Variants in BPIFC observed in about 807,000 individuals in gnomAD.
BPIFC encodes the protein BPI fold-containing family C protein.
A neutral mutation model predicts 57.6 loss-of-function variants in BPIFC; 60 were observed. The ratio of observed to expected loss-of-function variants is 1.04; its 90% CI spans 0.85 to 1.29. The LOEUF is 1.29. Among genes scored for constraint, BPIFC ranks in the 50% most tolerant of loss-of-function variants. The pLI is 0.00. For synonymous variants in BPIFC, 243 were observed against 224.5 expected (o/e 1.08, Z -0.74); for missense variants, 581 against 600.5 (o/e 0.97, Z 0.34).
intron 13 of BPIFC, among the ~76,000 whole-genome samples, chr22:32,429,509 GTTTTTTTTTT>G (rs780948561): frequency 3.5e-4 from 20 of 56,646 alleles, no homozygotes; most frequent in East Asian, 2.8e-3. Flanking sequence ...ACTGGCCTTT[GTTTTTTTTTT>G]TTTTTTTTTT....
At position 32,461,685 on chromosome 22, in the gene BPIFC, T is replaced by C; in HGVS notation, c.-88-24A>G. Reference sequence around the variant, plus strand: ...TCCTGGAAAGGGGGATAAGTAGAGATGAACTATGGGAGTGAGGAGAACACT... The same window carrying C: ...TCCTGGAAAGGGGGATAAGTAGAGACGAACTATGGGAGTGAGGAGAACACT... On this transcript the variant is annotated intron_variant, in intron 1 of 16. Coordinates refer to ENST00000300399, the MANE Select transcript of BPIFC (RefSeq NM_174932.3). 8.2e-6 allele frequency: 8 copies of C among 977,982 alleles called. No homozygotes were observed. The South Asian group carries it at 3.8e-4, about 46-fold the overall frequency. The allele number at this position is 977,982 out of a possible 1,614,324, so 60.6% of individuals were successfully genotyped here. A position where few individuals can be genotyped will look rare whatever the true frequency, so the allele number is the denominator to read the frequency against.
At chr22:32,448,487 C>T (rs868083276) in intron 4 of BPIFC, among the ~76,000 whole-genome samples, 3 of 152,198 alleles carry the variant, frequency 2.0e-5, no homozygotes, top group Non-Finnish European at 4.4e-5. Context: ...GTGCCTTCCT[C>T]CTATTTCCAA....
At chr22:32,445,393 CG>C (rs1363924617) in intron 7 of BPIFC, among the ~76,000 whole-genome samples, 1 of 151,954 alleles carries the variant, frequency 6.6e-6, no homozygotes. Flanking sequence ...AAAAATTAGC[CG>C]GGCATGGTGG....
chr22:32,442,032 G>A (rs1934580177), intron 8 of BPIFC, among the ~76,000 whole-genome samples: 1 of 152,226 alleles, frequency 6.6e-6, no homozygotes, highest in Admixed American at 6.5e-5. Flanking sequence ...CCTGCCCACT[G>A]TTCACCTCCG....
At chr22:32,428,900 A>G (rs1265130264) in intron 13 of BPIFC, among the ~76,000 whole-genome samples, 2 of 151,924 alleles carry the variant, frequency 1.3e-5, no homozygotes, top group East Asian at 3.9e-4. Flanking sequence ...CTCCATCTCA[A>G]AAAAAAACAA....
At chr22:32,424,753 C>CTTCTTCTTCTTCT (rs1934004717) in intron 13 of BPIFC, among the ~76,000 whole-genome samples, 4 of 35,488 alleles carry the variant, frequency 1.1e-4, no homozygotes, top group African/African-American at 8.2e-4. Context: ...CTTCTTCTTC[C>CTTCTTCTTCTTCT]TCTTCTTCTT....
At chr22:32,454,552 G>A (rs1371450151) in intron 3 of BPIFC, among the ~76,000 whole-genome samples, 1 of 152,152 alleles carries the variant, frequency 6.6e-6, no homozygotes, top group Non-Finnish European at 1.5e-5. Flanking sequence ...AAGAGCTTGA[G>A]AAAAGTAACC....
intron 2 of BPIFC, among the ~76,000 whole-genome samples, chr22:32,460,323 A>G (rs1935135328): frequency 6.6e-6 from 1 of 152,228 alleles, no homozygotes; most frequent in South Asian, 2.1e-4. Flanking sequence ...TGGAAGGGCT[A>G]TCCTATGTAT....
At chr22:32,431,439 A>ATTTATTTATTTTTATTTTT in intron 12 of BPIFC, 25 bp from the exon 13 acceptor site, 1 of 1,343,078 alleles carries the variant, frequency 7.4e-7, no homozygotes, top group Non-Finnish European at 1.1e-6. Flanking sequence ...AGCATTTATT[A>ATTTATTTATTTTTATTTTT]TTAAGACGAG....
intron 13 of BPIFC, among the ~76,000 whole-genome samples, chr22:32,420,844 AT>A (rs1933827826): frequency 6.6e-6 from 1 of 152,262 alleles, no homozygotes; most frequent in Admixed American, 6.5e-5. Context: ...CGATATGTCC[AT>A]TAAACAATAC....
intron 6 of BPIFC, 37 bp from the exon 7 acceptor site, chr22:32,445,735 A>AAAAG: frequency 6.6e-7 from 1 of 1,520,376 alleles, no homozygotes; most frequent in East Asian, 2.3e-5. Flanking sequence ...AAAAAAAAAA[A>AAAAG]GAGGTTACTC....
intron 13 of BPIFC, among the ~76,000 whole-genome samples, chr22:32,428,677 C>T (rs11089565): frequency 0.22 from 33,618 of 151,962 alleles, 4,455 homozygotes; most frequent in East Asian, 0.48. Flanking sequence ...GGCCCCAGAT[C>T]GCCTGAGGTC....
In BPIFC at chr22:32,424,574, T is replaced by TTTCTTCTTCTTCTTCTTCTTCTTC. The variant is rs148930460; in HGVS notation, c.1218-5194_1218-5171dup. Among the ~76,000 whole-genome samples the TTTCTTCTTCTTCTTCTTCTTCTTC allele has an allele frequency of 7.2e-4, 50 of 68,984 alleles. 10 individuals are homozygous for TTTCTTCTTCTTCTTCTTCTTCTTC. Among genetic ancestry groups the TTTCTTCTTCTTCTTCTTCTTCTTC allele is most frequent in the East Asian group, 4.3e-3 (9 of 2,114 alleles). The allele number at this position is 68,984 out of a possible 152,430, so 45.3% of individuals were successfully genotyped here. On this transcript the variant is annotated intron_variant, in intron 13 of 16. Coordinates refer to ENST00000300399, the MANE Select transcript of BPIFC (RefSeq NM_174932.3). ...TTCCTAAATCTTAAGTGTTATTTTCTTTCTTCTTCTTCTTCTTCTTCTTCT... is the reference window on the plus strand; with the variant it reads ...TTCCTAAATCTTAAGTGTTATTTTCTTTCTTCTTCTTCTTCTTCTTCTTCTTCTTCTTCTTCTTCTTCTTCTTCT...
intron 9 of BPIFC, among the ~76,000 whole-genome samples, chr22:32,436,234 C>T (rs1017047775): frequency 1.3e-5 from 2 of 151,998 alleles, no homozygotes; most frequent in African/African-American, 4.8e-5. Flanking sequence ...GTTGAAGCTG[C>T]AGTGAATTGT....
At chr22:32,419,091 G>C (rs1041784169) in intron 14 of BPIFC, among the ~76,000 whole-genome samples, 1 of 152,072 alleles carries the variant, frequency 6.6e-6, no homozygotes, top group Non-Finnish European at 1.5e-5. Flanking sequence ...GAGAATGCCT[G>C]TTTTTCTAGC....
Position 32,447,302 on chromosome 22 carries a change from A to C in BPIFC, c.284T>G (p.Leu95Trp). Residue 95 changes from leucine to tryptophan, a missense_variant, in exon 5 of 17, where the codon TTG (leucine) becomes TGG (tryptophan). Leu to Trp is a moderately conservative substitution (Grantham distance 61, BLOSUM62 -2). Coordinates refer to ENST00000300399, the MANE Select transcript of BPIFC (RefSeq NM_174932.3). ...GATTCCCACTCCAGGCACAAAAGCC[A>C]ATGAGGTATTTGGAAATGAAAAGGC... ...ISAFSFPNTS[L>W]AFVPGVGIKA... The C allele has an allele frequency of 6.2e-7, 1 of 1,614,138 alleles. No individual in the cohort carries two copies. The highest frequency in any genetic ancestry group is 1.1e-5 in the South Asian group (1 of 91,076).
chr22:32,421,128 G>T (rs1250429368), intron 13 of BPIFC, among the ~76,000 whole-genome samples: 6 of 152,142 alleles, frequency 3.9e-5, no homozygotes, highest in African/African-American at 1.4e-4. Context: ...GTGACAGCGT[G>T]TCCTGTTGCT....
chr22:32,450,091 CAT>C lies in BPIFC; in HGVS notation c.246-2753_246-2752del, dbSNP rs1288284090. ...GCAGTGGAATTGTTGGGTCAAAGAG[CAT>C]ACACACACACACACACACACACACA... On this transcript the variant is annotated intron_variant, in intron 4 of 16. Coordinates refer to ENST00000300399, the MANE Select transcript of BPIFC (RefSeq NM_174932.3). 9.5e-5 allele frequency among the ~76,000 whole-genome samples: 7 copies of C among 73,696 alleles called. No individual in the cohort carries two copies. The South Asian group carries it at 3.1e-3, about 33-fold the overall frequency. The allele number at this position is 73,696 out of a possible 152,430, so 48.3% of individuals were successfully genotyped here.
intron 2 of BPIFC, among the ~76,000 whole-genome samples, chr22:32,460,664 A>C (rs879371357): frequency 6.6e-6 from 1 of 152,226 alleles, no homozygotes; most frequent in Non-Finnish European, 1.5e-5. Context: ...GAAACCGTGC[A>C]TATCCCTAAG....
Sources: gnomAD v4.1 joint callset for allele counts (sites outside exome capture counted in the v4.1 genomes callset) on GRCh38, gnomAD v4.1.1 for gene constraint, MANE v1.5 for transcripts, NCBI Gene and HGNC (gene_info 2026-07-23, HGNC 2026-07-21) for gene names.